DNMBP: variants seen among roughly 807,000 people sequenced by gnomAD.
DNMBP encodes the protein dynamin binding protein, also known as dynamin-binding protein.
In DNMBP, 87 loss-of-function variants were observed where a neutral mutation model predicts 150.0. The observed-to-expected ratio is 0.58, with a 90% CI of 0.49 to 0.69. The LOEUF is 0.69. DNMBP is among the 30% of genes least tolerant of loss of function. DNMBP has a pLI of 0.00. For missense variants in DNMBP, 1,774 were observed against 1,949.0 expected, an observed-to-expected ratio of 0.91 and a Z score of 1.69; for synonymous variants, 711 against 750.4, an observed-to-expected ratio of 0.95 and a Z score of 0.86.
At chr10:99,908,895 G>A in intron 5 of DNMBP, 58 bp downstream of exon 5, 1 of 1,484,952 alleles carries the variant, frequency 6.7e-7, no homozygotes, top group Non-Finnish European at 9.2e-7. Flanking sequence ...ATATCCTAAT[G>A]CTTCTGGCCT....
chr10:100,000,063 A>T (rs1021307156), intron 1 of DNMBP, among the ~76,000 whole-genome samples: 1 of 152,212 alleles, frequency 6.6e-6, no homozygotes, highest in African/African-American at 2.4e-5. Flanking sequence ...TAGTGCTATT[A>T]ATATAATTTG....
chr10:99,898,864 T>G (rs753810869), intron 7 of DNMBP, 104 bp from the exon 8 acceptor site: 2 of 1,104,186 alleles, frequency 1.8e-6, no homozygotes, highest in Admixed American at 3.8e-5. Context: ...CAAAAAATTA[T>G]GAATGTTTAT....
intron 4 of DNMBP, among the ~76,000 whole-genome samples, chr10:99,951,126 A>G (rs902415970): frequency 6.6e-6 from 1 of 152,238 alleles, no homozygotes; most frequent in Non-Finnish European, 1.5e-5. Flanking sequence ...AACTCAGGCC[A>G]TGGCTTCAGA....
At chr10:99,991,922 A>G (rs1388154292) in intron 1 of DNMBP, among the ~76,000 whole-genome samples, 3 of 141,344 alleles carry the variant, frequency 2.1e-5, no homozygotes, top group Non-Finnish European at 4.6e-5. Context: ...AAAAAAAAAA[A>G]GAAATATGAT....
intron 4 of DNMBP, among the ~76,000 whole-genome samples, chr10:99,943,772 AAC>A (rs1403570074): frequency 1.3e-5 from 2 of 152,194 alleles, no homozygotes; most frequent in South Asian, 2.1e-4. Flanking sequence ...CTGCATATAA[AAC>A]AGTTACACTT....
At chr10:99,929,939 A>G in intron 4 of DNMBP, 1 of 702,922 alleles carries the variant, frequency 1.4e-6, no homozygotes. Flanking sequence ...ATTTATATGC[A>G]CAGTTTGCAA....
At position 99,880,184 on chromosome 10, in the gene DNMBP, A is replaced by G. The variant is rs748599489; in HGVS notation, c.4175T>C (p.Val1392Ala). 5 of 1,614,180 alleles carry G rather than the reference A, an allele frequency of 3.1e-6. No individual in the cohort carries two copies. The highest frequency in any genetic ancestry group is 4.2e-6 in the Non-Finnish European group (5 of 1,180,042). The change falls in exon 16 of 17, where the codon GTA (valine) becomes GCA (alanine). Residue 1392 changes from valine (V) to alanine (A), a missense_variant. Around this residue, in one of 2 missense-constraint regions of DNMBP, gnomAD observed 1,430 missense variants for 1,492.5 expected, o/e 0.96. Coordinates refer to ENST00000324109, the MANE Select transcript of DNMBP (RefSeq NM_015221.4). ...TLTFNPSSMA[V>A]SFTSGSCQKQ... ...CTGGCAAGACCCCGAGGTAAAGGATACAGCCATGCTGCTGGGGTTGAAGGT... is the reference window on the plus strand; with the variant it reads ...CTGGCAAGACCCCGAGGTAAAGGATGCAGCCATGCTGCTGGGGTTGAAGGT...
chr10:99,902,300 C>CTTTTTTTTT (rs1234322535), intron 6 of DNMBP, among the ~76,000 whole-genome samples: 1 of 119,880 alleles, frequency 8.3e-6, no homozygotes, highest in African/African-American at 3.2e-5. Context: ...GGAAGCCTCC[C>CTTTTTTTTT]TTCTTTTTTT....
At chr10:99,936,421 C>T (rs1380869055) in intron 4 of DNMBP, among the ~76,000 whole-genome samples, 1 of 151,956 alleles carries the variant, frequency 6.6e-6, no homozygotes, top group Non-Finnish European at 1.5e-5. Flanking sequence ...AGGATAGGGA[C>T]AGTTCAAGAA....
At chr10:99,937,761 C>T (rs774521597) in intron 4 of DNMBP, among the ~76,000 whole-genome samples, 13 of 152,208 alleles carry the variant, frequency 8.5e-5, no homozygotes, top group Non-Finnish European at 1.9e-4. Flanking sequence ...ACACACAAGA[C>T]AGCCCAGCAC....
At chr10:99,893,424 A>G (rs111757502) in intron 11 of DNMBP, among the ~76,000 whole-genome samples, 2 of 152,356 alleles carry the variant, frequency 1.3e-5, no homozygotes, top group African/African-American at 4.8e-5. Context: ...ACAGTGATAT[A>G]CTACGCAATT....
intron 1 of DNMBP, among the ~76,000 whole-genome samples, chr10:99,978,085 C>T (rs530682988): frequency 7.9e-5 from 12 of 152,276 alleles, no homozygotes; most frequent in South Asian, 6.2e-4. Context: ...CTCACGACTC[C>T]GCAAGGTAGA....
At chr10:99,980,094 T>C (rs1022350349) in intron 1 of DNMBP, among the ~76,000 whole-genome samples, 3 of 152,108 alleles carry the variant, frequency 2.0e-5, no homozygotes, top group Non-Finnish European at 4.4e-5. Flanking sequence ...ACTGGACATG[T>C]AAAAGTTAAA....
intron 4 of DNMBP, among the ~76,000 whole-genome samples, chr10:99,944,273 C>T (rs1306780764): frequency 2.0e-5 from 3 of 152,108 alleles, no homozygotes; most frequent in Non-Finnish European, 4.4e-5. Flanking sequence ...AATTAATCAA[C>T]GTGTAGCTAG....
intron 4 of DNMBP, among the ~76,000 whole-genome samples, chr10:99,926,140 TCATCATAAC>T (rs1220617207): frequency 1.3e-5 from 2 of 152,208 alleles, no homozygotes; most frequent in African/African-American, 2.4e-5. Context: ...GGTCCCCTTC[TCATCATAAC>T]CATGTATGTT....
rs2040471666 is a variant in DNMBP, at chr10:99,955,303, T to C, written c.2171A>G (p.Asp724Gly). 6.2e-7 allele frequency: 1 copy of C among 1,614,040 alleles called. No individual in the cohort carries two copies. Among genetic ancestry groups the C allele is most frequent in the African/African-American group, 1.3e-5 (1 of 74,912 alleles). The change falls in exon 4 of 17, where the codon GAT becomes GGT. Residue 724 changes from aspartate (D) to glycine (G), a missense_variant. By Grantham distance (94) the Asp-to-Gly change is moderately conservative. Coordinates refer to ENST00000324109, the MANE Select transcript of DNMBP (RefSeq NM_015221.4). ...ELNLMLEEKQ[D>G]ESSRAETLED... is the part of the protein sequence containing the mutation. ...GAGGGTCTCTGCTCTTGATGATTCA[T>C]CCTGCTTCTCCTCCAGCATGAGGTT...
intron 16 of DNMBP, among the ~76,000 whole-genome samples, chr10:99,879,535 T>C (rs1405352934): frequency 1.3e-5 from 2 of 152,144 alleles, no homozygotes; most frequent in African/African-American, 2.4e-5. Context: ...ACTGAAGAAT[T>C]AGTGAACTGG....
intron 1 of DNMBP, among the ~76,000 whole-genome samples, chr10:100,009,624 A>AG (rs1357137184): frequency 1.3e-5 from 2 of 151,994 alleles, no homozygotes; most frequent in African/African-American, 4.8e-5. Flanking sequence ...CAGGAGTGCG[A>AG]GGGGGCCCGC....
At chr10:99,928,103 C>CTTTTA (rs2040102926) in intron 4 of DNMBP, 1 of 152,152 alleles carries the variant, frequency 6.6e-6, no homozygotes, top group African/African-American at 2.4e-5. Context: ...TGACTAGCTG[C>CTTTTA]TAAAAACCTC....
Sources: gnomAD v4.1 joint callset for allele counts (sites outside exome capture counted in the v4.1 genomes callset) on GRCh38, gnomAD v4.1.1 for gene constraint, gnomAD v4.1.1 regional missense constraint, MANE v1.5 for transcripts, NCBI Gene and HGNC (gene_info 2026-07-23, HGNC 2026-07-21) for gene names.